ANTXR1: variants seen among roughly 807,000 people sequenced by gnomAD.
ANTXR1 encodes ANTXR cell adhesion molecule 1.
A neutral mutation model predicts 78.1 loss-of-function variants in ANTXR1; 19 were observed. That is an observed-to-expected ratio of 0.24 (90% CI 0.17 to 0.36). ANTXR1 has a LOEUF of 0.36. Among genes scored for constraint, ANTXR1 ranks in the 10% least tolerant of loss-of-function variants. The probability of loss-of-function intolerance (pLI) is 1.00; values close to 1 mark genes in which losing one functional copy is unlikely to be tolerated. For synonymous variants in ANTXR1, 273 were observed against 260.5 expected (o/e 1.05, Z -0.46); for missense variants, 518 against 718.6 (o/e 0.72, Z 3.19).
chr2:69,033,513 T>C (rs141116916), intron 1 of ANTXR1, among the ~76,000 whole-genome samples: 1 of 152,338 alleles, frequency 6.6e-6, no homozygotes, highest in African/African-American at 2.4e-5. Context: ...CACTCTTTTC[T>C]TTGGAAGAAG....
intron 6 of ANTXR1, among the ~76,000 whole-genome samples, chr2:69,073,746 C>G (rs537020646): frequency 3.9e-5 from 6 of 152,218 alleles, no homozygotes; most frequent in African/African-American, 1.2e-4. Flanking sequence ...TTTATACTTA[C>G]GAAATTCTTT....
chr2:69,208,932 C>A (rs1438832563), intron 17 of ANTXR1, among the ~76,000 whole-genome samples: 1 of 152,152 alleles, frequency 6.6e-6, no homozygotes, highest in Non-Finnish European at 1.5e-5. Context: ...GATGGCATCC[C>A]ATTCTCTTAA....
intron 2 of ANTXR1, among the ~76,000 whole-genome samples, chr2:69,043,363 T>C (rs1382642327): frequency 1.3e-5 from 2 of 152,204 alleles, no homozygotes; most frequent in Non-Finnish European, 2.9e-5. Flanking sequence ...AGATCATACG[T>C]GCAAATCACT....
chr2:69,020,366 G>C (rs1671148355), intron 1 of ANTXR1, among the ~76,000 whole-genome samples: 1 of 151,326 alleles, frequency 6.6e-6, no homozygotes, highest in Non-Finnish European at 1.5e-5. Context: ...TGGCATATGG[G>C]TCAAAAATAA....
At chr2:69,224,540 G>GT (rs1675395764) in intron 17 of ANTXR1, among the ~76,000 whole-genome samples, 1 of 152,010 alleles carries the variant, frequency 6.6e-6, no homozygotes, top group African/African-American at 2.4e-5. Flanking sequence ...CTACTTCCAA[G>GT]TTTCAGAACT....
chr2:69,184,234 C>T (rs1048775190), intron 16 of ANTXR1, among the ~76,000 whole-genome samples: 3 of 152,244 alleles, frequency 2.0e-5, no homozygotes, highest in Non-Finnish European at 2.9e-5. Context: ...CTTTCCTCAG[C>T]TGAGCTAGCT....
chr2:69,185,549 A>T (rs1674395734), intron 16 of ANTXR1, among the ~76,000 whole-genome samples: 1 of 151,352 alleles, frequency 6.6e-6, no homozygotes, highest in Non-Finnish European at 1.5e-5. Flanking sequence ...CAAATAAAAA[A>T]AGAAAAAAAA....
At chr2:69,240,461 C>T (rs1240856747) in intron 17 of ANTXR1, among the ~76,000 whole-genome samples, 1 of 152,198 alleles carries the variant, frequency 6.6e-6, no homozygotes, top group Non-Finnish European at 1.5e-5. Flanking sequence ...AAGCCATAAG[C>T]ACGCACCAGA....
intron 17 of ANTXR1, among the ~76,000 whole-genome samples, chr2:69,212,216 G>A (rs1675059079): frequency 6.6e-6 from 1 of 152,188 alleles, no homozygotes; most frequent in African/African-American, 2.4e-5. Flanking sequence ...GTAGGGGAGG[G>A]GAGGAGGAGG....
At chr2:69,219,634 C>A (rs1675268825) in intron 17 of ANTXR1, among the ~76,000 whole-genome samples, 1 of 152,224 alleles carries the variant, frequency 6.6e-6, no homozygotes, top group African/African-American at 2.4e-5. Flanking sequence ...TATCACAAAC[C>A]TTTCTGATTA....
intron 16 of ANTXR1, among the ~76,000 whole-genome samples, chr2:69,183,878 C>T (rs1674353157): frequency 6.6e-6 from 1 of 152,118 alleles, no homozygotes; most frequent in African/African-American, 2.4e-5. Flanking sequence ...AATCTGTCCC[C>T]ACTCTCTGAT....
At chr2:69,128,956 C>T (rs1672637507) in intron 12 of ANTXR1, among the ~76,000 whole-genome samples, 1 of 152,100 alleles carries the variant, frequency 6.6e-6, no homozygotes, top group South Asian at 2.1e-4. Flanking sequence ...TCAAGGTCTG[C>T]AAATGAATAA....
chr2:69,095,263 G>A (rs1241699085), intron 9 of ANTXR1, among the ~76,000 whole-genome samples: 2 of 144,378 alleles, frequency 1.4e-5, no homozygotes, highest in African/African-American at 5.2e-5. Context: ...TCCTTTCATC[G>A]ATTCTTAGTG....
intron 3 of ANTXR1, among the ~76,000 whole-genome samples, chr2:69,048,672 T>C (rs990080564): frequency 1.4e-4 from 22 of 152,154 alleles, no homozygotes; most frequent in African/African-American, 4.8e-4. Context: ...CATTACTGGA[T>C]TTTCTATTCT....
At chr2:69,242,148 G>A (rs1208000318) in intron 17 of ANTXR1, among the ~76,000 whole-genome samples, 1 of 152,094 alleles carries the variant, frequency 6.6e-6, no homozygotes, top group Non-Finnish European at 1.5e-5. Context: ...CTGACCAGAG[G>A]AAGGAGGACT....
chr2:69,082,917 T>C (rs778111147), intron 8 of ANTXR1, among the ~76,000 whole-genome samples: 2 of 152,186 alleles, frequency 1.3e-5, no homozygotes, highest in African/African-American at 2.4e-5. Context: ...ACAACAAGCA[T>C]TGAGCAAACA....
chr2:69,067,648 G>T (rs899602570), intron 3 of ANTXR1, among the ~76,000 whole-genome samples: 11 of 152,054 alleles, frequency 7.2e-5, no homozygotes, highest in African/African-American at 1.9e-4. Context: ...TATTATGAGG[G>T]GTTCCATGGT....
At chr2:69,209,398 T>C (rs989324041) in intron 17 of ANTXR1, among the ~76,000 whole-genome samples, 1 of 152,254 alleles carries the variant, frequency 6.6e-6, no homozygotes, top group Non-Finnish European at 1.5e-5. Context: ...TACAGAGGGC[T>C]CGAGTGCCTG....
intron 14 of ANTXR1, 142 bp downstream of exon 14, chr2:69,170,431 A>G (rs1242527830): frequency 2.1e-6 from 2 of 953,684 alleles, no homozygotes; most frequent in Non-Finnish European, 3.2e-6. Context: ...CCTGTGAAGC[A>G]GAAGGGAGGA....
Sources: gnomAD v4.1 joint callset for allele counts (sites outside exome capture counted in the v4.1 genomes callset) on GRCh38, gnomAD v4.1.1 for gene constraint, MANE v1.5 for transcripts, NCBI Gene and HGNC (gene_info 2026-07-23, HGNC 2026-07-21) for gene names.